The following SLC35F3 variants were observed in gnomAD, a reference collection of about 807,000 sequenced individuals.
The protein encoded by SLC35F3 is putative thiamine transporter SLC35F3.
Under a neutral mutation model 49.9 loss-of-function variants are expected in SLC35F3, and 25 were observed. The observed-to-expected ratio is 0.50, with a 90% confidence interval of 0.37 to 0.70. The LOEUF (loss-of-function observed/expected upper bound fraction) is 0.70. Ranked by LOEUF, SLC35F3 falls within the 30% of genes least tolerant of loss-of-function variation. The pLI, the probability that SLC35F3 is intolerant of heterozygous loss-of-function variation, is 0.00. For synonymous variants in SLC35F3, 275 were observed against 265.4 expected (o/e 1.04, Z -0.35); for missense variants, 525 against 639.8 (o/e 0.82, Z 1.94).
intron 3 of SLC35F3, among the ~76,000 whole-genome samples, chr1:234,267,869 A>G (rs1287827025): frequency 3.6e-5 from 5 of 139,370 alleles, no homozygotes; most frequent in Non-Finnish European, 7.7e-5. Flanking sequence ...GCGGCGGGGC[A>G]GAGGTGCTCC....
intron 2 of SLC35F3, among the ~76,000 whole-genome samples, chr1:234,141,505 T>G (rs4920215): frequency 0.35 from 53,230 of 152,104 alleles, 14,209 homozygotes; most frequent in East Asian, 0.74. Context: ...ATCAAGGTAC[T>G]AAACATGTCC....
chr1:234,269,173 G>C (rs1429390742), intron 3 of SLC35F3, among the ~76,000 whole-genome samples: 1 of 152,076 alleles, frequency 6.6e-6, no homozygotes, highest in East Asian at 1.9e-4. Flanking sequence ...ATATGTTAAA[G>C]AATATTTCAT....
intron 2 of SLC35F3, among the ~76,000 whole-genome samples, chr1:234,075,149 A>T (rs576958687): frequency 6.6e-6 from 1 of 152,394 alleles, no homozygotes; most frequent in South Asian, 2.1e-4. Context: ...GAAGTTAGTG[A>T]TATAAATCTG....
At chr1:234,031,194 A>G (rs1664056621) in intron 2 of SLC35F3, among the ~76,000 whole-genome samples, 1 of 152,212 alleles carries the variant, frequency 6.6e-6, no homozygotes, top group South Asian at 2.1e-4. Context: ...CTGGGTGCAG[A>G]TGGTCTTTCC....
chr1:234,287,374 CAAAT>C (rs1668439338), intron 3 of SLC35F3, among the ~76,000 whole-genome samples: 2 of 152,016 alleles, frequency 1.3e-5, no homozygotes, highest in Non-Finnish European at 2.9e-5. Flanking sequence ...AGTCACATAA[CAAAT>C]AAGTGAAAGA....
At chr1:234,112,610 C>CA (rs1665424917) in intron 2 of SLC35F3, among the ~76,000 whole-genome samples, 1 of 143,262 alleles carries the variant, frequency 7.0e-6, no homozygotes, top group Non-Finnish European at 1.5e-5. Flanking sequence ...GGCTGGAGTG[C>CA]AGTGCCGCTA....
chr1:234,195,537 C>T (rs1277924916), intron 2 of SLC35F3, among the ~76,000 whole-genome samples: 2 of 152,116 alleles, frequency 1.3e-5, no homozygotes, highest in East Asian at 3.9e-4. Context: ...TTCATTGTGT[C>T]CCCTTTGACT....
chr1:233,971,717 C>CAA (rs59905472), intron 2 of SLC35F3, among the ~76,000 whole-genome samples: 5,602 of 117,150 alleles, frequency 0.048, 204 homozygotes, highest in East Asian at 0.16. Flanking sequence ...GACTCCGACT[C>CAA]AAAAAAAAAA....
intron 3 of SLC35F3, among the ~76,000 whole-genome samples, chr1:234,252,851 A>C (rs1458753667): frequency 6.6e-6 from 1 of 152,208 alleles, no homozygotes; most frequent in Middle Eastern, 3.2e-3. Flanking sequence ...ATCTGCTTTG[A>C]CCTGGTAGCT....
At chr1:234,145,713 G>A (rs1400938222) in intron 2 of SLC35F3, among the ~76,000 whole-genome samples, 4 of 152,070 alleles carry the variant, frequency 2.6e-5, no homozygotes, top group Non-Finnish European at 2.9e-5. Flanking sequence ...GTATACAGAA[G>A]ATATGCATGG....
intron 2 of SLC35F3, among the ~76,000 whole-genome samples, chr1:234,035,595 A>G (rs976047635): frequency 6.6e-6 from 1 of 152,108 alleles, no homozygotes; most frequent in African/African-American, 2.4e-5. Flanking sequence ...GCTGAGTTTC[A>G]TGACCTGGCC....
intron 2 of SLC35F3, among the ~76,000 whole-genome samples, chr1:233,911,648 T>C (rs1217463387): frequency 6.6e-6 from 1 of 152,262 alleles, no homozygotes; most frequent in Non-Finnish European, 1.5e-5. Flanking sequence ...AAATCCCTCG[T>C]GCCTATTAAT....
chr1:234,214,400 A>C lies in SLC35F3; in HGVS notation c.284-17017A>C. 7.3e-7 allele frequency: 1 copy of C among 1,377,648 alleles called. No homozygotes were observed. Among genetic ancestry groups the C allele is most frequent in the Non-Finnish European group, 9.4e-7 (1 of 1,063,496 alleles). The allele number at this position is 1,377,648 out of a possible 1,614,324, so 85.3% of individuals were successfully genotyped here. ...CGAGCCGCTGGTGCTCCCCGGCGGCAGAGGGCCGCGTCGGCCACGGGCCCG... is the reference window on the plus strand; with the variant it reads ...CGAGCCGCTGGTGCTCCCCGGCGGCCGAGGGCCGCGTCGGCCACGGGCCCG... On this transcript the variant is annotated intron_variant, in intron 2 of 7. Transcript: ENST00000366618. The surrounding 1 kb of genome is among the most constrained non-coding windows in gnomAD (Gnocchi z 8.0).
intron 2 of SLC35F3, among the ~76,000 whole-genome samples, chr1:234,199,740 C>T (rs12132476): frequency 0.44 from 66,539 of 151,002 alleles, 17,916 homozygotes; most frequent in Non-Finnish European, 0.61. Context: ...GCAAACCATA[C>T]ATCTGATAAG....
At chr1:234,143,293 T>TTTTC (rs1558241205) in intron 2 of SLC35F3, among the ~76,000 whole-genome samples, 3,819 of 104,400 alleles carry the variant, frequency 0.037, 178 homozygotes, top group African/African-American at 0.15. Flanking sequence ...CTTTTCTTTT[T>TTTTC]TTTTTTTTTT....
intron 2 of SLC35F3, among the ~76,000 whole-genome samples, chr1:234,018,017 T>G (rs551645072): frequency 3.8e-4 from 57 of 151,524 alleles, no homozygotes; most frequent in African/African-American, 1.3e-3. Flanking sequence ...ATGAAAATCG[T>G]GACACTCAGT....
chr1:234,200,731 G>T (rs559978496), intron 2 of SLC35F3, among the ~76,000 whole-genome samples: 11 of 152,252 alleles, frequency 7.2e-5, no homozygotes, highest in African/African-American at 2.6e-4. Flanking sequence ...AGAAGGAGTG[G>T]CCTCTTTATT....
At chr1:234,164,597 C>T (rs1172499682) in intron 2 of SLC35F3, among the ~76,000 whole-genome samples, 1 of 152,044 alleles carries the variant, frequency 6.6e-6, no homozygotes. Flanking sequence ...GACATCAAAG[C>T]TGTTGGTTTG....
At chr1:234,269,910 C>T (rs1316238124) in intron 3 of SLC35F3, among the ~76,000 whole-genome samples, 3 of 152,152 alleles carry the variant, frequency 2.0e-5, no homozygotes, top group Non-Finnish European at 4.4e-5. Context: ...TGGAAGCTCC[C>T]GGAGGCCTCC....
Sources: allele counts gnomAD v4.1 joint callset (sites outside exome capture counted in the v4.1 genomes callset), GRCh38; gene constraint gnomAD v4.1.1; non-coding constraint Gnocchi (gnomAD v3.1); transcripts MANE v1.5; gene names NCBI Gene and HGNC (gene_info 2026-07-23, HGNC 2026-07-21).